The following PTPRG variants were observed in gnomAD, a reference collection of about 807,000 sequenced individuals.
The protein encoded by PTPRG is receptor-type tyrosine-protein phosphatase gamma.
A neutral mutation model predicts 165.3 loss-of-function variants in PTPRG; 102 were observed. The ratio of observed to expected loss-of-function variants is 0.62; its 90% confidence interval spans 0.53 to 0.73. PTPRG has a LOEUF of 0.73. Among genes scored for constraint, PTPRG ranks in the 30% least tolerant of loss-of-function variants. The pLI, the probability that PTPRG is intolerant of heterozygous loss-of-function variation, is 0.00. For synonymous variants in PTPRG, 675 were observed against 669.5 expected (o/e 1.01, Z -0.13); for missense variants, 1,866 against 1,861.4 (o/e 1.00, Z -0.05).
chr3:61,949,358 A>G (rs1010397337), intron 2 of PTPRG, among the ~76,000 whole-genome samples: 4 of 152,204 alleles, frequency 2.6e-5, no homozygotes, highest in African/African-American at 9.7e-5. Flanking sequence ...GGGGTGCAAT[A>G]TGAAGGAGAG....
chr3:61,950,505 T>G (rs1575816335), intron 2 of PTPRG, among the ~76,000 whole-genome samples: 1 of 152,332 alleles, frequency 6.6e-6, no homozygotes, highest in African/African-American at 2.4e-5. Flanking sequence ...TTCTTGGTAT[T>G]TCTTTCAGAC....
chr3:61,792,778 G>T (rs554956819), intron 2 of PTPRG, among the ~76,000 whole-genome samples: 1 of 150,952 alleles, frequency 6.6e-6, no homozygotes, highest in South Asian at 2.1e-4. Context: ...TGCCAGGCTG[G>T]AGTGCAGTGG....
rs1281731195 is a variant in PTPRG, at chr3:62,224,085, T to C, written c.2288+5102T>C. On this transcript the variant is annotated intron_variant, in intron 13 of 29. Transcript: ENST00000474889. The surrounding 1 kb of genome is among the most constrained non-coding windows in gnomAD (Gnocchi z 4.9). ...TGACTATAATGTTAATGAAATTGGT[T>C]TGGGTGATGCTCCTAATAGGCCTTA... is the stretch of plus-strand genomic sequence containing the variant. Among the ~76,000 whole-genome samples, 1 of 152,126 alleles carries C rather than the reference T, an allele frequency of 6.6e-6. No individual in the cohort carries two copies. The highest frequency in any genetic ancestry group is 1.5e-5 in the Non-Finnish European group (1 of 68,020).
intron 2 of PTPRG, among the ~76,000 whole-genome samples, chr3:61,935,649 A>T (rs1035790705): frequency 6.7e-6 from 1 of 149,330 alleles, no homozygotes; most frequent in South Asian, 2.1e-4. Context: ...TTTACTGCTG[A>T]TATCTTTTTT....
intron 1 of PTPRG, among the ~76,000 whole-genome samples, chr3:61,736,222 T>TA (rs397963920): frequency 3.3e-5 from 5 of 151,410 alleles, no homozygotes; most frequent in East Asian, 3.9e-4. Context: ...TTTTTTTTTT[T>TA]AATTTTTTAA....
At chr3:61,615,409 C>T (rs1174404485) in intron 1 of PTPRG, among the ~76,000 whole-genome samples, 1 of 152,206 alleles carries the variant, frequency 6.6e-6, no homozygotes, top group African/African-American at 2.4e-5. Flanking sequence ...CTCGTGATTA[C>T]GTTCAGGTTA....
chr3:61,582,061 G>A (rs939863968), intron 1 of PTPRG, among the ~76,000 whole-genome samples: 44 of 152,114 alleles, frequency 2.9e-4, no homozygotes, highest in African/African-American at 1.0e-3. Flanking sequence ...TCCCCCTACT[G>A]GGCTCAAGCC....
chr3:61,976,820 C>T (rs758564779), intron 2 of PTPRG, among the ~76,000 whole-genome samples: 5 of 151,582 alleles, frequency 3.3e-5, no homozygotes, highest in Non-Finnish European at 7.4e-5. Context: ...GGATTACAGG[C>T]GCCCACCATC....
chr3:61,596,555 G>T (rs1700705073), intron 1 of PTPRG, among the ~76,000 whole-genome samples: 1 of 152,106 alleles, frequency 6.6e-6, no homozygotes, highest in Admixed American at 6.5e-5. Flanking sequence ...TTTAAAGCAA[G>T]CTATTTGTTT....
intron 14 of PTPRG, 163 bp from the exon 15 acceptor site, chr3:62,243,644 A>G (rs1701215672): frequency 4.1e-6 from 2 of 489,218 alleles, no homozygotes; most frequent in Non-Finnish European, 7.2e-6. Context: ...GGCCCCTCCA[A>G]CAGGCTGAAT....
chr3:61,612,096 C>T (rs1055604387), intron 1 of PTPRG, among the ~76,000 whole-genome samples: 2 of 152,138 alleles, frequency 1.3e-5, no homozygotes, highest in African/African-American at 2.4e-5. Flanking sequence ...GCGCCTGCCA[C>T]CATGACTGGG....
intron 2 of PTPRG, among the ~76,000 whole-genome samples, chr3:61,914,544 A>G (rs901484220): frequency 1.2e-4 from 19 of 152,206 alleles, no homozygotes; most frequent in Admixed American, 1.1e-3. Flanking sequence ...TTCCGAGTTT[A>G]AGCATCTGAA....
intron 4 of PTPRG, among the ~76,000 whole-genome samples, chr3:62,053,104 A>AT (rs932764666): frequency 8.0e-4 from 120 of 149,902 alleles, no homozygotes; most frequent in Middle Eastern, 6.8e-3. Context: ...TCTGGCTTTG[A>AT]TTTTTTTTTT....
At chr3:61,693,001 G>A (rs2030321370) in intron 1 of PTPRG, among the ~76,000 whole-genome samples, 1 of 152,000 alleles carries the variant, frequency 6.6e-6, no homozygotes, top group African/African-American at 2.4e-5. Context: ...AGTAACAGTT[G>A]TTTTTATAGC....
intron 5 of PTPRG, among the ~76,000 whole-genome samples, chr3:62,130,129 C>CT (rs1176664673): frequency 1.3e-5 from 2 of 152,196 alleles, no homozygotes; most frequent in Non-Finnish European, 2.9e-5. Flanking sequence ...CAGCCCATCT[C>CT]TGTGGACTGC....
rs1454339529 is a variant in PTPRG, at chr3:61,795,190, TG to T, written c.190+46212del. On this transcript the variant is annotated intron_variant, in intron 2 of 29. Transcript: ENST00000474889. ...CTAAGGTCATACAACTAATAAGTAG[TG>T]GGGCTGGGATTTCAGTCATGGTGAT... 1.4e-3 allele frequency among the ~76,000 whole-genome samples: 208 copies of T among 152,268 alleles called. 2 individuals are homozygous for T. The highest frequency in any genetic ancestry group is 3.2e-4 in the Non-Finnish European group (22 of 68,018).
intron 1 of PTPRG, among the ~76,000 whole-genome samples, chr3:61,661,935 T>A (rs1702679698): frequency 6.6e-6 from 1 of 152,252 alleles, no homozygotes; most frequent in Non-Finnish European, 1.5e-5. Context: ...CCAGGCTTAA[T>A]GCCTCATCAA....
intron 2 of PTPRG, among the ~76,000 whole-genome samples, chr3:61,954,759 T>C (rs2039995091): frequency 6.6e-6 from 1 of 152,182 alleles, no homozygotes; most frequent in Non-Finnish European, 1.5e-5. Flanking sequence ...TGGAAATGTT[T>C]TGTGGTGATA....
chr3:61,626,022 T>G (rs1216651046), intron 1 of PTPRG, among the ~76,000 whole-genome samples: 3 of 109,760 alleles, frequency 2.7e-5, no homozygotes, highest in African/African-American at 4.5e-5. Flanking sequence ...TTTTTTTTTT[T>G]TGGGGGGGCG....
Sources: gnomAD v4.1 joint callset for allele counts (sites outside exome capture counted in the v4.1 genomes callset) on GRCh38, gnomAD v4.1.1 for gene constraint, Gnocchi (gnomAD v3.1) non-coding constraint, MANE v1.5 for transcripts, NCBI Gene and HGNC (gene_info 2026-07-23, HGNC 2026-07-21) for gene names.